The following AKAP3 variants were observed in gnomAD, a reference collection of about 807,000 sequenced individuals.
AKAP3 encodes A-kinase anchoring protein 3.
A neutral mutation model predicts 57.2 loss-of-function variants in AKAP3; 27 were observed. The observed-to-expected ratio is 0.47, with a 90% CI of 0.35 to 0.65. The LOEUF is 0.65. Among genes scored for constraint, AKAP3 ranks in the 30% least tolerant of loss-of-function variants. The pLI is 0.01. For synonymous variants in AKAP3, 334 were observed against 392.3 expected (o/e 0.85, Z 1.76); for missense variants, 959 against 1,040.0 (o/e 0.92, Z 1.07).
At chr12:4,647,125 C>A (rs1490476209) in intron 1 of AKAP3, among the ~76,000 whole-genome samples, 1 of 152,064 alleles carries the variant, frequency 6.6e-6, no homozygotes, top group Non-Finnish European at 1.5e-5. Flanking sequence ...CTCCTAAAAT[C>A]TCTTCCAGCT....
At chr12:4,617,751 C>CAAAAAA (rs3083727) in intron 5 of AKAP3, among the ~76,000 whole-genome samples, 1 of 118,448 alleles carries the variant, frequency 8.4e-6, no homozygotes, top group East Asian at 2.3e-4. Context: ...GATTCTGTCT[C>CAAAAAA]AAAAAAAAAA....
At chr12:4,619,057 A>T (rs1372600811) in intron 5 of AKAP3, among the ~76,000 whole-genome samples, 3 of 152,250 alleles carry the variant, frequency 2.0e-5, no homozygotes, top group Non-Finnish European at 4.4e-5. Context: ...TAATGAGCAC[A>T]TAACGGAATA....
rs560216196 is a variant in AKAP3 at position 4,640,493 on chromosome 12, C to T, written c.-1+1406G>A. Among the ~76,000 whole-genome samples, 9 of 152,238 alleles carry T rather than the reference C, an allele frequency of 5.9e-5. No homozygotes were observed. In the East Asian group the frequency reaches 7.7e-4, roughly 13 times the overall value. Reference sequence around the variant, plus strand: ...GACTTTGGACTGTGGTGAGGGTAGACGTCCTTCCTCAAAATAAAACCAACA... The same window carrying T: ...GACTTTGGACTGTGGTGAGGGTAGATGTCCTTCCTCAAAATAAAACCAACA... On this transcript the variant is annotated intron_variant, in intron 3 of 5. Transcript: ENST00000228850.
At position 4,627,543 on chromosome 12, in the gene AKAP3, A is replaced by G. The variant is rs199654475; in HGVS notation, c.1359T>C (p.Ile453=). 1.1e-4 allele frequency: 182 copies of G among 1,614,150 alleles called. No homozygotes were observed. In the East Asian group the frequency reaches 3.7e-3, roughly 33 times the overall value. The change falls in exon 5 of 6, where the codon ATT becomes ATC. Residue 453 remains isoleucine (I), a synonymous_variant. Coordinates refer to ENST00000228850, the MANE Select transcript of AKAP3 (RefSeq NM_001278309.2). ...GCCACAAGGTAAGCCCCTCTTTGAT[A>G]ATGTGCTCACCCAGAGTTTTCGCAC... ...ETCAKTLGEH[I]IKEGLTLWHK...
chr12:4,640,125 C>T (rs1056583677), intron 3 of AKAP3, among the ~76,000 whole-genome samples: 2 of 152,152 alleles, frequency 1.3e-5, no homozygotes, highest in Non-Finnish European at 2.9e-5. Flanking sequence ...CTATGTGCCA[C>T]ATTTTCTTAA....
chr12:4,645,472 C>A (rs1450074687), intron 1 of AKAP3: 1 of 152,094 alleles, frequency 6.6e-6, no homozygotes, highest in Non-Finnish European at 1.5e-5. Flanking sequence ...ATGATTCAAG[C>A]ACATTACATT....
intron 1 of AKAP3, among the ~76,000 whole-genome samples, chr12:4,646,579 G>A (rs2137454425): frequency 6.6e-6 from 1 of 152,088 alleles, no homozygotes; most frequent in East Asian, 1.9e-4. Flanking sequence ...GACTGAGGCA[G>A]GAGAATTGCT....
In AKAP3 at chr12:4,627,612, C is replaced by T; in HGVS notation, c.1290G>A (p.Leu430=). The change falls in exon 5 of 6, where the codon TTG becomes TTA. Residue 430 remains leucine (L), a synonymous_variant. Coordinates refer to ENST00000228850, the MANE Select transcript of AKAP3 (RefSeq NM_001278309.2). ...VNFAMKSETK[L]REKMYSEPKS... Reference sequence around the variant, plus strand: ...TGGGTTCAGAATACATTTTTTCTCTCAATTTAGTTTCAGATTTCATGGCAA... The same window carrying T: ...TGGGTTCAGAATACATTTTTTCTCTTAATTTAGTTTCAGATTTCATGGCAA... 2 of 1,614,034 alleles carry T rather than the reference C, an allele frequency of 1.2e-6. No homozygotes were observed. The highest frequency in any genetic ancestry group is 1.7e-6 in the Non-Finnish European group (2 of 1,180,026).
At chr12:4,618,811 G>A (rs1056123665) in intron 5 of AKAP3, among the ~76,000 whole-genome samples, 9 of 152,186 alleles carry the variant, frequency 5.9e-5, no homozygotes, top group South Asian at 2.1e-4. Flanking sequence ...AAAGTAAAAC[G>A]TGATAAATCG....
chr12:4,627,213 T>C lies in AKAP3; in HGVS notation c.1689A>G (p.Glu563=). The change falls in exon 5 of 6, where the codon GAA becomes GAG. Residue 563 remains glutamate, a synonymous_variant. Transcript: ENST00000228850. Reference sequence around the variant, plus strand: ...AAGATTCATCGGGAGCTACAGGAGGTTCATTGGCAGGAAAGTTGGTGGTGC... The same window carrying C: ...AAGATTCATCGGGAGCTACAGGAGGCTCATTGGCAGGAAAGTTGGTGGTGC... ...AAGTTNFPAN[E]PPVAPDESCL... is the part of the protein sequence containing the mutation. The C allele has an allele frequency of 1.2e-6, 2 of 1,613,768 alleles. No homozygotes were observed. Among genetic ancestry groups the C allele is most frequent in the Non-Finnish European group, 1.7e-6 (2 of 1,179,930 alleles).
At position 4,642,715 on chromosome 12, in the gene AKAP3, T is replaced by A. The variant is rs139507579; in HGVS notation, c.-106-711A>T. 1.1e-3 allele frequency among the ~76,000 whole-genome samples: 172 copies of A among 152,362 alleles called. 4 individuals are homozygous for A. The East Asian group carries it at 0.022, about 19-fold the overall frequency. ...AATGTGTACATTCTATCTAGTAGTT[T>A]AATTGCTCCCATGTATTTCATTTTC... On this transcript the variant is annotated intron_variant, in intron 2 of 5. Transcript: ENST00000228850.
rs1302177154 is a variant in AKAP3, at chr12:4,627,339, G to A, written c.1563C>T (p.Asp521=). 6.2e-7 allele frequency: 1 copy of A among 1,614,106 alleles called. No homozygotes were observed. The highest frequency in any genetic ancestry group is 1.1e-5 in the South Asian group (1 of 91,076). Residue 521 remains aspartate, a synonymous_variant, in exon 5 of 6, where the codon GAC becomes GAT. Coordinates refer to ENST00000228850, the MANE Select transcript of AKAP3 (RefSeq NM_001278309.2). ...EKPENFMYDS[D]SWAEDLIVSA... ...ACACGATCAGGTCCTCGGCCCAGGA[G>A]TCTGAATCATACATAAAATTCTCAG...
At chr12:4,619,967 T>C (rs566397101) in intron 5 of AKAP3, among the ~76,000 whole-genome samples, 1 of 152,348 alleles carries the variant, frequency 6.6e-6, no homozygotes, top group Admixed American at 6.5e-5. Context: ...AAGGCAAATT[T>C]ATAATGATGG....
Position 4,627,155 on chromosome 12 carries a change from C to T in AKAP3, c.1747G>A (p.Glu583Lys). The T allele has an allele frequency of 6.2e-7, 1 of 1,614,106 alleles. No individual in the cohort carries two copies. Residue 583 changes from glutamate to lysine, a missense_variant, in exon 5 of 6, where the codon GAA (glutamate) becomes AAA (lysine). By Grantham distance (56) the Glu-to-Lys change is moderately conservative. Coordinates refer to ENST00000228850, the MANE Select transcript of AKAP3 (RefSeq NM_001278309.2). ...LKSAPIVGDQ[E>K]QAEKKDLRSV... The stretch of plus-strand genomic sequence containing the variant: ...CTTAGGTCCTTCTTTTCTGCTTGTT[C>T]TTGGTCACCTACAATGGGAGCAGAC...
At chr12:4,620,319 G>A (rs1157707142) in intron 5 of AKAP3, among the ~76,000 whole-genome samples, 3 of 151,626 alleles carry the variant, frequency 2.0e-5, no homozygotes, top group Admixed American at 1.3e-4. Flanking sequence ...GTGAAACCCC[G>A]TCTCTACTAA....
At chr12:4,647,826 A>C (rs1339593081) in intron 1 of AKAP3, 1 of 151,492 alleles carries the variant, frequency 6.6e-6, no homozygotes, top group Non-Finnish European at 1.5e-5. Flanking sequence ...CTTCCAATTC[A>C]ATTTGTTAGG....
At chr12:4,634,424 G>A (rs1424763185) in intron 4 of AKAP3, among the ~76,000 whole-genome samples, 2 of 152,124 alleles carry the variant, frequency 1.3e-5, no homozygotes, top group Non-Finnish European at 2.9e-5. Flanking sequence ...CATATATGGA[G>A]ACTATAATGC....
intron 5 of AKAP3, among the ~76,000 whole-genome samples, chr12:4,617,419 C>A (rs1398004353): frequency 6.6e-6 from 1 of 152,168 alleles, no homozygotes; most frequent in Non-Finnish European, 1.5e-5. Context: ...CAGTAAAACT[C>A]TCAGTATAAA....
chr12:4,643,501 A>C (rs1415389729), intron 2 of AKAP3, among the ~76,000 whole-genome samples: 2 of 152,132 alleles, frequency 1.3e-5, no homozygotes, highest in Admixed American at 1.3e-4. Context: ...AGATAAATGG[A>C]CCTCAGAAAC....
Sources: gnomAD v4.1 joint callset for allele counts (sites outside exome capture counted in the v4.1 genomes callset) on GRCh38, gnomAD v4.1.1 for gene constraint, MANE v1.5 for transcripts, NCBI Gene and HGNC (gene_info 2026-07-23, HGNC 2026-07-21) for gene names.